The following ZNF516 variants were observed in gnomAD, a reference collection of about 807,000 sequenced individuals.
The protein encoded by ZNF516 is zinc finger protein 516.
ZNF516 carries 19 observed loss-of-function variants against 79.7 expected under a neutral mutation model. The ratio of observed to expected loss-of-function variants is 0.24; its 90% CI spans 0.17 to 0.35. ZNF516 has a LOEUF of 0.35. Ranked by LOEUF, ZNF516 falls within the 10% of genes least tolerant of loss-of-function variation. ZNF516 has a pLI of 1.00. For missense variants in ZNF516, 1,678 were observed against 1,679.5 expected, an observed-to-expected ratio of 1.00 and a Z score of 0.02; for synonymous variants, 877 against 739.5, an observed-to-expected ratio of 1.19 and a Z score of -3.02.
intron 2 of ZNF516, among the ~76,000 whole-genome samples, chr18:76,460,888 T>C (rs924011663): frequency 6.6e-6 from 1 of 152,182 alleles, no homozygotes; most frequent in Admixed American, 6.5e-5. Context: ...AAGGGCCTTT[T>C]TAAACAACAT....
intron 2 of ZNF516, among the ~76,000 whole-genome samples, chr18:76,452,842 G>T (rs1326010737): frequency 6.6e-6 from 1 of 152,078 alleles, no homozygotes; most frequent in Admixed American, 6.5e-5. Flanking sequence ...AAAAGTCCAA[G>T]AAAAAATGAG....
chr18:76,477,064 T>C (rs1914214982), intron 1 of ZNF516, among the ~76,000 whole-genome samples: 1 of 152,240 alleles, frequency 6.6e-6, no homozygotes, highest in African/African-American at 2.4e-5. Flanking sequence ...CATTTCCGTA[T>C]GTCCAAAGCA....
rs1915347546 is a variant in ZNF516, at chr18:76,493,370, T to G, written c.-272+1774A>C. On this transcript the variant is annotated intron_variant, in intron 1 of 6. Transcript: ENST00000443185. The surrounding 1 kb of genome is among the most constrained non-coding windows in gnomAD (Gnocchi z 5.2). ...GGGCCGACGCAGGGGAAAGAGTTGCTCTCTACACCGAAAAGGGACTTTGAC... is the reference window on the plus strand; with the variant it reads ...GGGCCGACGCAGGGGAAAGAGTTGCGCTCTACACCGAAAAGGGACTTTGAC... 5.7e-6 allele frequency: 1 copy of G among 174,728 alleles called. No homozygotes were observed. The highest frequency in any genetic ancestry group is 1.9e-4 in the South Asian group (1 of 5,230). The allele number at this position is 174,728 out of a possible 1,614,324, so 10.8% of individuals were successfully genotyped here. A position where few individuals can be genotyped will look rare whatever the true frequency, so the allele number is the denominator to read the frequency against.
rs2075234639 is a variant in ZNF516 at position 76,401,958 on chromosome 18, T to G, written c.1811-21655A>C. ...GCATAAACAATTTCCACAGAATGAC[T>G]GCACATGCATGTGCGTGCCTATGTG... On this transcript the variant is annotated intron_variant, in intron 3 of 6. Transcript: ENST00000443185. Among the ~76,000 whole-genome samples, 3 of 152,182 alleles carry G rather than the reference T, an allele frequency of 2.0e-5. No homozygotes were observed. In the South Asian group the frequency reaches 6.2e-4, roughly 32 times the overall value.
In ZNF516 at chr18:76,383,678, C is replaced by A. The variant is rs73477143; in HGVS notation, c.1811-3375G>T. Among the ~76,000 whole-genome samples the A allele has an allele frequency of 5.8e-3, 885 of 152,310 alleles. 7 individuals carry two copies. The highest frequency in any genetic ancestry group is 0.02 in the African/African-American group (847 of 41,540). On this transcript the variant is annotated intron_variant, in intron 3 of 6. Coordinates refer to ENST00000443185, the MANE Select transcript of ZNF516 (RefSeq NM_014643.4). The stretch of plus-strand genomic sequence containing the variant: ...GACCCAGGACCCTCTTCCCCGGACC[C>A]TCTTCTGACCGAGGTTTCTTCATTA...
chr18:76,376,759 GGTT>G (rs3838903), intron 4 of ZNF516, among the ~76,000 whole-genome samples: 22,799 of 152,058 alleles, frequency 0.15, 1,939 homozygotes, highest in Non-Finnish European at 0.2. Context: ...TGAGCTGGCA[GGTT>G]GTTTAGAACC....
At chr18:76,410,257 G>A (rs896794776) in intron 3 of ZNF516, among the ~76,000 whole-genome samples, 2 of 152,208 alleles carry the variant, frequency 1.3e-5, no homozygotes, top group African/African-American at 4.8e-5. Context: ...CCTTCTCCAG[G>A]CCCCTGGTTG....
Position 76,441,238 on chromosome 18 carries a change from T to C in ZNF516, c.1810+7A>G. The C allele has an allele frequency of 1.9e-6, 3 of 1,607,646 alleles. No individual in the cohort carries two copies. The highest frequency in any genetic ancestry group is 2.5e-6 in the Non-Finnish European group (3 of 1,178,060). On this transcript the variant is annotated splice_region_variant and intron_variant, in intron 3 of 6. Coordinates refer to ENST00000443185, the MANE Select transcript of ZNF516 (RefSeq NM_014643.4). ...AGGACCCAGGCCACCTGGGTACACT[T>C]GCTCACCTGGTGCAGGTTCAGGGGC... is the stretch of plus-strand genomic sequence containing the variant.
intron 3 of ZNF516, chr18:76,385,512 A>AGCCACGCT (rs1398287109): frequency 6.6e-5 from 10 of 152,130 alleles, no homozygotes; most frequent in Non-Finnish European, 1.3e-4. Flanking sequence ...GCAGCCACGC[A>AGCCACGCT]GCCACGCTGA....
Position 76,379,190 on chromosome 18 carries a change from T to C in ZNF516, c.2924A>G (p.Lys975Arg), listed in dbSNP as rs1432065736. The C allele has an allele frequency of 1.9e-6, 3 of 1,612,836 alleles. No homozygotes were observed. The Admixed American group carries it at 5.0e-5, about 27-fold the overall frequency. Residue 975 changes from lysine (K) to arginine (R), a missense_variant, in exon 4 of 7, where the codon AAA (lysine) becomes AGA (arginine). This residue lies in a region of ZNF516 where 1,294 missense variants were observed against 1,248.3 expected (regional missense o/e 1.04). Coordinates refer to ENST00000443185, the MANE Select transcript of ZNF516 (RefSeq NM_014643.4). ...CTGAGGCTGAGCACTGAATTTGGCT[T>C]TCAGGGAGTCCGGGGCACTGTGCTT... Reference protein sequence around the residue: ...TNKHSAPDSLKAKFSAQPQGP... With the variant: ...TNKHSAPDSLRAKFSAQPQGP...
rs1389737086 is a variant in ZNF516 at position 76,379,016 on chromosome 18, G to A, written c.3098C>T (p.Ala1033Val). 3 of 1,608,486 alleles carry A rather than the reference G, an allele frequency of 1.9e-6. No homozygotes were observed. In the African/African-American group the frequency reaches 4.0e-5, roughly 22 times the overall value. The change falls in exon 4 of 7, where the codon GCT becomes GTT. Residue 1033 changes from alanine to valine, a missense_variant. Ala to Val is a moderately conservative substitution (Grantham distance 64). Transcript: ENST00000443185. Reference protein sequence around the residue: ...DAALQAQPGVAGAPPVLHSIK... With the variant: ...DAALQAQPGVVGAPPVLHSIK... ...GGAGTGTAGGACGGGGGGCGCCCCA[G>A]CCACGCCGGGCTGGGCCTGCAAGGC...
chr18:76,380,024 G>C lies in ZNF516; in HGVS notation c.2090C>G (p.Thr697Arg). The C allele has an allele frequency of 6.2e-7, 1 of 1,613,910 alleles. No individual in the cohort carries two copies. ...GTGACCCGTCTGGCCCTCCGCTCCC[G>C]TACTGGAAGGGAACTCCACACCATC... ...PGDGVEFPSS[T>R]GAEGQTGHPA... is the part of the protein sequence containing the mutation. The change falls in exon 4 of 7, where the codon ACG (threonine) becomes AGG (arginine). Residue 697 changes from threonine (T) to arginine (R), a missense_variant. Coordinates refer to ENST00000443185, the MANE Select transcript of ZNF516 (RefSeq NM_014643.4).
chr18:76,433,965 G>A (rs763363931), intron 3 of ZNF516, among the ~76,000 whole-genome samples: 8 of 151,964 alleles, frequency 5.3e-5, no homozygotes, highest in East Asian at 1.9e-4. Flanking sequence ...ACCCCACCGC[G>A]ACCGCCAGCA....
chr18:76,454,090 T>C (rs577731479), intron 2 of ZNF516, among the ~76,000 whole-genome samples: 2 of 152,320 alleles, frequency 1.3e-5, no homozygotes, highest in African/African-American at 4.8e-5. Flanking sequence ...GAAAGAACTG[T>C]GCCCAAGAAT....
chr18:76,380,218 A>G lies in ZNF516; in HGVS notation c.1896T>C (p.Asp632=). Reference sequence around the variant, plus strand: ...CGCCGGTGTCTCTTTCCGAGGCGTTATCTCCCATCTTGTGACTCTGGTCTC... The same window carrying G: ...CGCCGGTGTCTCTTTCCGAGGCGTTGTCTCCCATCTTGTGACTCTGGTCTC... ...SSGDQSHKMG[D]NASERDTGES... Residue 632 remains aspartate (D), a synonymous_variant, in exon 4 of 7, where the codon GAT becomes GAC. Transcript: ENST00000443185. 6.2e-7 allele frequency: 1 copy of G among 1,613,972 alleles called. No homozygotes were observed. Among genetic ancestry groups the G allele is most frequent in the Middle Eastern group, 1.6e-4 (1 of 6,062 alleles).
chr18:76,391,507 C>T (rs1191603254), intron 3 of ZNF516, among the ~76,000 whole-genome samples: 1 of 152,152 alleles, frequency 6.6e-6, no homozygotes, highest in Non-Finnish European at 1.5e-5. Flanking sequence ...TAACCCAACT[C>T]TAAACCTAAC....
chr18:76,479,721 G>C (rs1914388668), intron 1 of ZNF516, among the ~76,000 whole-genome samples: 1 of 152,246 alleles, frequency 6.6e-6, no homozygotes, highest in East Asian at 1.9e-4. Context: ...TACCAATACA[G>C]GGGCCCTCTG....
chr18:76,492,920 G>A (rs1915319720), intron 1 of ZNF516: 1 of 985,456 alleles, frequency 1.0e-6, no homozygotes, highest in South Asian at 4.7e-5. Flanking sequence ...AGAAGCCTGC[G>A]GATGCGCGGG....
At chr18:76,473,553 G>A (rs1913982024) in intron 1 of ZNF516, among the ~76,000 whole-genome samples, 1 of 152,068 alleles carries the variant, frequency 6.6e-6, no homozygotes, top group South Asian at 2.1e-4. Context: ...TGTAATCACA[G>A]CACTTTGGGA....
Sources: allele counts gnomAD v4.1 joint callset (sites outside exome capture counted in the v4.1 genomes callset), GRCh38; gene constraint gnomAD v4.1.1; regional missense constraint gnomAD v4.1.1; non-coding constraint Gnocchi (gnomAD v3.1); transcripts MANE v1.5; gene names NCBI Gene and HGNC (gene_info 2026-07-23, HGNC 2026-07-21).